Variants in RSPH14 observed in about 807,000 individuals in gnomAD.
The protein encoded by RSPH14 is radial spoke head 14 homolog.
A neutral mutation model predicts 26.7 loss-of-function variants in RSPH14; 20 were observed. The ratio of observed to expected loss-of-function variants is 0.75; its 90% CI spans 0.53 to 1.09. The LOEUF (loss-of-function observed/expected upper bound fraction) is 1.09, where lower values mean the gene tolerates loss of function less well. RSPH14 is among the 50% of genes least tolerant of loss of function. RSPH14 has a pLI of 0.00. For missense variants in RSPH14, 449 were observed against 457.2 expected (o/e 0.98, Z 0.16); for synonymous variants, 177 against 189.3 (o/e 0.93, Z 0.53).
chr22:23,089,811 T>C (rs1321419073), intron 4 of RSPH14, among the ~76,000 whole-genome samples: 1 of 152,094 alleles, frequency 6.6e-6, no homozygotes, highest in African/African-American at 2.4e-5. Context: ...GATCGTGCCT[T>C]AGGAATCTTT....
intron 4 of RSPH14, chr22:23,123,065 G>A (rs754619376): frequency 1.2e-5 from 18 of 1,541,416 alleles, no homozygotes; most frequent in South Asian, 3.4e-5. Context: ...CCTGATTAAC[G>A]CCAGTACTTT....
intron 5 of RSPH14, among the ~76,000 whole-genome samples, chr22:23,063,084 G>T (rs1426237093): frequency 5.3e-5 from 8 of 152,180 alleles, no homozygotes; most frequent in African/African-American, 1.7e-4. Flanking sequence ...CAGAGAGAGA[G>T]AGCTCTCTCC....
At chr22:23,169,712 CT>C in the RSPH14 span, among the ~76,000 whole-genome samples, 2 of 152,118 alleles carry the variant, frequency 1.3e-5, no homozygotes, top group African/African-American at 4.8e-5. Flanking sequence ...GGCTGGCCCC[CT>C]GGTGAGGGCT....
chr22:23,134,215 G>T (rs921801252), intron 3 of RSPH14, 71 bp from the exon 4 acceptor site: 3 of 1,152,002 alleles, frequency 2.6e-6, no homozygotes, highest in African/African-American at 3.1e-5. Flanking sequence ...GAAGAGTCAG[G>T]GTCCCTGCTG....
chr22:23,169,332 T>C, the RSPH14 span, among the ~76,000 whole-genome samples: 1 of 152,168 alleles, frequency 6.6e-6, no homozygotes, highest in Non-Finnish European at 1.5e-5. Context: ...AGATGACAGA[T>C]GATGGATGAC....
chr22:23,153,166 C>A, the RSPH14 span: 1 of 1,497,442 alleles, frequency 6.7e-7, no homozygotes, highest in Non-Finnish European at 9.3e-7. Flanking sequence ...GGCTCGTGGG[C>A]AGCTTCCTAC....
chr22:23,125,927 A>G (rs1045938816), intron 4 of RSPH14, among the ~76,000 whole-genome samples: 8 of 152,196 alleles, frequency 5.3e-5, no homozygotes, highest in South Asian at 2.1e-4. Context: ...GCATGCATGC[A>G]CACAAGCACA....
chr22:23,157,928 TG>T, the RSPH14 span: 16 of 1,608,644 alleles, frequency 9.9e-6, no homozygotes, highest in African/African-American at 4.0e-5. Context: ...GGGCACCTCC[TG>T]GGGAGCCCCC....
intron 6 of RSPH14, 124 bp downstream of exon 6, chr22:23,061,685 G>GT (rs371909389): frequency 0.21 from 195,098 of 927,644 alleles, 281 homozygotes; most frequent in South Asian, 0.24. Context: ...CCAAGGGGAG[G>GT]TTTTTTTTTT....
the RSPH14 span, among the ~76,000 whole-genome samples, chr22:23,167,260 C>T: frequency 3.3e-5 from 5 of 152,204 alleles, no homozygotes; most frequent in African/African-American, 1.2e-4. Context: ...CGCATGGCCC[C>T]AACCAAGCTC....
chr22:23,145,197 G>A (rs1411080379), upstream of RSPH14: 3 of 654,196 alleles, frequency 4.6e-6, no homozygotes, highest in Admixed American at 2.9e-5. Context: ...ATCTCTCCAC[G>A]GTCAGCCCCA....
At chr22:23,175,125 AG>A in the RSPH14 span, among the ~76,000 whole-genome samples, 1 of 149,702 alleles carries the variant, frequency 6.7e-6, no homozygotes, top group African/African-American at 2.5e-5. Context: ...GCCTCCGAGT[AG>A]CTGGGACTAC....
chr22:23,143,877 G>A (rs2070650219), upstream of RSPH14, among the ~76,000 whole-genome samples: 1 of 152,048 alleles, frequency 6.6e-6, no homozygotes, highest in Non-Finnish European at 1.5e-5. Flanking sequence ...GATCACATGA[G>A]GCCAGGAGTT....
chr22:23,061,699 TGCAA>T, intron 6 of RSPH14, 106 bp downstream of exon 6: 1 of 1,377,348 alleles, frequency 7.3e-7, no homozygotes. Context: ...TTTTTTTTTT[TGCAA>T]AGTGTGGAGT....
In RSPH14 at chr22:23,071,210, G is replaced by A. The variant is rs1169207083; in HGVS notation, c.422-7077C>T. ...AATATTTTTTCCCTTAAAAGGCGGTGGGGGTGTTTGGGGGAGGGGAGTGAG... is the reference window on the plus strand; with the variant it reads ...AATATTTTTTCCCTTAAAAGGCGGTAGGGGTGTTTGGGGGAGGGGAGTGAG... On this transcript the variant is annotated intron_variant, in intron 4 of 6. Coordinates refer to ENST00000216036, the MANE Select transcript of RSPH14 (RefSeq NM_014433.3). The surrounding 1 kb of genome is among the most constrained non-coding windows in gnomAD (Gnocchi z 4.1). 1.3e-5 allele frequency among the ~76,000 whole-genome samples: 2 copies of A among 152,198 alleles called. No individual in the cohort carries two copies. Among genetic ancestry groups the A allele is most frequent in the African/African-American group, 2.4e-5 (1 of 41,448 alleles).
chr22:23,067,180 A>T (rs963284925), intron 4 of RSPH14, among the ~76,000 whole-genome samples: 1 of 152,104 alleles, frequency 6.6e-6, no homozygotes, highest in African/African-American at 2.4e-5. Context: ...ACGGATGTCC[A>T]TGGTGTGGAG....
the RSPH14 span, among the ~76,000 whole-genome samples, chr22:23,177,106 A>T: frequency 6.6e-6 from 1 of 152,108 alleles, no homozygotes; most frequent in Non-Finnish European, 1.5e-5. Context: ...GCCCTGCCTC[A>T]CCTCTGATCC....
intron 4 of RSPH14, among the ~76,000 whole-genome samples, chr22:23,108,443 A>C (rs1299603335): frequency 6.6e-6 from 1 of 152,262 alleles, no homozygotes; most frequent in Non-Finnish European, 1.5e-5. Context: ...AGGGTAGCAC[A>C]GCAAAGGCCT....
intron 4 of RSPH14, among the ~76,000 whole-genome samples, chr22:23,076,064 T>C (rs956204098): frequency 6.6e-6 from 1 of 152,122 alleles, no homozygotes; most frequent in African/African-American, 2.4e-5. Context: ...GAAGGGTGGC[T>C]GAGGAGGAGG....
Sources: gnomAD v4.1 joint callset for allele counts (sites outside exome capture counted in the v4.1 genomes callset) on GRCh38, gnomAD v4.1.1 for gene constraint, Gnocchi (gnomAD v3.1) non-coding constraint, MANE v1.5 for transcripts, NCBI Gene and HGNC (gene_info 2026-07-23, HGNC 2026-07-21) for gene names.